The following GABRB1 variants were observed in gnomAD, a reference collection of about 807,000 sequenced individuals.
GABRB1 encodes the protein gamma-aminobutyric acid type A receptor subunit beta1, also known as gamma-aminobutyric acid receptor subunit beta-1.
A neutral mutation model predicts 51.6 loss-of-function variants in GABRB1; 17 were observed. The ratio of observed to expected loss-of-function variants is 0.33; its 90% CI spans 0.23 to 0.49. The LOEUF is 0.49. Ranked by LOEUF, GABRB1 falls within the 20% of genes least tolerant of loss-of-function variation. GABRB1 has a pLI of 0.99. For synonymous variants in GABRB1, 247 were observed against 218.9 expected, an observed-to-expected ratio of 1.13 and a Z score of -1.14; for missense variants, 410 against 600.6, an observed-to-expected ratio of 0.68 and a Z score of 3.32.
At position 47,177,816 on chromosome 4, in the gene GABRB1, GTTT is replaced by G. The variant is rs5858057; in HGVS notation, c.461+16363_461+16365del. ...TATTATGTGTGAAATAAGAACAGTG[GTTT>G]TTTTTTTTTTTTTTTCATGTTTCTG... On this transcript the variant is annotated intron_variant, in intron 4 of 8. Transcript: ENST00000295454. Among the ~76,000 whole-genome samples, 1,008 of 132,368 alleles carry G rather than the reference GTTT, an allele frequency of 7.6e-3. 7 individuals carry two copies. Among genetic ancestry groups the G allele is most frequent in the East Asian group, 9.3e-3 (42 of 4,502 alleles). The allele number at this position is 132,368 out of a possible 152,430, so 86.8% of individuals were successfully genotyped here.
chr4:47,155,928 T>TATATATATATATATATATAC (rs1560562294), intron 3 of GABRB1, among the ~76,000 whole-genome samples: 2 of 92,706 alleles, frequency 2.2e-5, no homozygotes, highest in Non-Finnish European at 4.0e-5. Flanking sequence ...TATATATATA[T>TATATATATATATATATATAC]ATATATATAT....
chr4:47,254,361 G>GT (rs56838956), intron 4 of GABRB1, among the ~76,000 whole-genome samples: 1,058 of 80,848 alleles, frequency 0.013, 45 homozygotes, highest in Non-Finnish European at 0.016. Flanking sequence ...TCTTTTCTTT[G>GT]TTTTTTTTTT....
chr4:47,256,607 TA>T (rs1722208685), intron 4 of GABRB1, among the ~76,000 whole-genome samples: 1 of 152,162 alleles, frequency 6.6e-6, no homozygotes, highest in African/African-American at 2.4e-5. Flanking sequence ...GTAGCATGGC[TA>T]GGGAGGCCTC....
At chr4:47,295,372 C>A (rs185157475) in intron 4 of GABRB1, among the ~76,000 whole-genome samples, 2 of 152,024 alleles carry the variant, frequency 1.3e-5, no homozygotes, top group African/African-American at 4.8e-5. Flanking sequence ...AAAATTTAGA[C>A]GAATGAATAA....
intron 4 of GABRB1, among the ~76,000 whole-genome samples, chr4:47,261,833 A>G (rs1722452344): frequency 6.6e-6 from 1 of 152,250 alleles, no homozygotes; most frequent in South Asian, 2.1e-4. Flanking sequence ...TGGTACTTTT[A>G]CCAAAACAGA....
intron 4 of GABRB1, among the ~76,000 whole-genome samples, chr4:47,163,818 T>TA (rs1453569398): frequency 2.0e-5 from 3 of 151,716 alleles, no homozygotes; most frequent in East Asian, 1.9e-4. Context: ...CCACCAACCT[T>TA]AAAAAAAAGT....
At chr4:47,128,394 C>A in intron 3 of GABRB1, among the ~76,000 whole-genome samples, 1 of 151,688 alleles carries the variant, frequency 6.6e-6, no homozygotes, top group Non-Finnish European at 1.5e-5. Flanking sequence ...AATAAAAAAT[C>A]CATGAATTAG....
At chr4:47,307,038 G>T (rs1252645433) in intron 4 of GABRB1, among the ~76,000 whole-genome samples, 2 of 152,022 alleles carry the variant, frequency 1.3e-5, no homozygotes, top group Non-Finnish European at 2.9e-5. Context: ...TGTTTACCAT[G>T]GTGGATGTAT....
chr4:47,302,936 G>C (rs1724316538), intron 4 of GABRB1, among the ~76,000 whole-genome samples: 1 of 151,840 alleles, frequency 6.6e-6, no homozygotes, highest in Non-Finnish European at 1.5e-5. Flanking sequence ...TGTAACCTAG[G>C]CAAAGTTCTA....
At position 47,304,950 on chromosome 4, in the gene GABRB1, C is replaced by T. The variant is rs546128918; in HGVS notation, c.462-15177C>T. Reference sequence around the variant, plus strand: ...AAAAGTCCAGCCACTGGTCCACTCACTTAACATGGGAGGAAACTCAGACAT... The same window carrying T: ...AAAAGTCCAGCCACTGGTCCACTCATTTAACATGGGAGGAAACTCAGACAT... On this transcript the variant is annotated intron_variant, in intron 4 of 8. Transcript: ENST00000295454. 1.6e-4 allele frequency among the ~76,000 whole-genome samples: 24 copies of T among 152,192 alleles called. No individual in the cohort carries two copies. In the South Asian group the frequency reaches 5.0e-3, roughly 32 times the overall value.
At chr4:47,174,361 A>G (rs542718749) in intron 4 of GABRB1, among the ~76,000 whole-genome samples, 2 of 152,194 alleles carry the variant, frequency 1.3e-5, no homozygotes, top group African/African-American at 4.8e-5. Context: ...CACCACACCC[A>G]GCTTTGCTTT....
intron 4 of GABRB1, among the ~76,000 whole-genome samples, chr4:47,210,352 T>C (rs1351384127): frequency 2.6e-5 from 4 of 152,290 alleles, no homozygotes; most frequent in Admixed American, 2.0e-4. Flanking sequence ...GAATGAACTG[T>C]AGCTGAAATG....
intron 3 of GABRB1, among the ~76,000 whole-genome samples, chr4:47,100,415 T>C (rs1714671784): frequency 6.6e-6 from 1 of 152,040 alleles, no homozygotes; most frequent in Non-Finnish European, 1.5e-5. Flanking sequence ...AGGAACAATG[T>C]GGTGTCATTT....
At chr4:47,210,434 T>G (rs1190129575) in intron 4 of GABRB1, among the ~76,000 whole-genome samples, 1 of 152,080 alleles carries the variant, frequency 6.6e-6, no homozygotes, top group Non-Finnish European at 1.5e-5. Flanking sequence ...GATCTACAGA[T>G]TTTCAATTTC....
intron 3 of GABRB1, among the ~76,000 whole-genome samples, chr4:47,147,570 C>A (rs969272530): frequency 1.3e-5 from 2 of 152,106 alleles, no homozygotes; most frequent in African/African-American, 4.8e-5. Context: ...GAGCACCCAG[C>A]TAATTTCCAC....
At chr4:47,372,684 G>A (rs1210669678) in intron 5 of GABRB1, among the ~76,000 whole-genome samples, 2 of 152,150 alleles carry the variant, frequency 1.3e-5, no homozygotes. Context: ...AAATGTCTTT[G>A]CTTAGTGGAT....
intron 3 of GABRB1, among the ~76,000 whole-genome samples, chr4:47,061,284 G>A (rs954602198): frequency 1.4e-4 from 21 of 152,004 alleles, no homozygotes; most frequent in African/African-American, 4.8e-4. Context: ...CAGCTATTGT[G>A]CTTTTTAAAA....
chr4:47,141,463 G>T (rs1470858341), intron 3 of GABRB1, among the ~76,000 whole-genome samples: 3 of 151,900 alleles, frequency 2.0e-5, no homozygotes, highest in Non-Finnish European at 2.9e-5. Context: ...CCATGGCTAG[G>T]GGTGGGATCA....
At chr4:47,006,551 A>T (rs540595211) in intron 1 of GABRB1, among the ~76,000 whole-genome samples, 132 of 152,288 alleles carry the variant, frequency 8.7e-4, no homozygotes, top group African/African-American at 3.0e-3. Flanking sequence ...TAGTGACTTG[A>T]ATTTTGATAA....
Sources: allele counts gnomAD v4.1 joint callset (sites outside exome capture counted in the v4.1 genomes callset), GRCh38; gene constraint gnomAD v4.1.1; transcripts MANE v1.5; gene names NCBI Gene and HGNC (gene_info 2026-07-23, HGNC 2026-07-21).